SPIRE1: variants seen among roughly 807,000 people sequenced by gnomAD.
The protein encoded by SPIRE1 is protein spire homolog 1.
A neutral mutation model predicts 94.1 loss-of-function variants in SPIRE1; 40 were observed. That is an observed-to-expected ratio of 0.43 (90% CI 0.33 to 0.55). The LOEUF is 0.55. SPIRE1 is among the 20% of genes least tolerant of loss of function. SPIRE1 has a pLI of 0.06. For missense variants in SPIRE1, 838 were observed against 975.2 expected (o/e 0.86, Z 1.87); for synonymous variants, 376 against 371.7 (o/e 1.01, Z -0.13).
At chr18:12,549,436 G>GTTTTTTTTTTTTTTTTTTTTTTT (rs1345452411) in intron 2 of SPIRE1, among the ~76,000 whole-genome samples, 7 of 51,910 alleles carry the variant, frequency 1.3e-4, no homozygotes, top group Non-Finnish European at 2.2e-4. Context: ...TTTTGTTATT[G>GTTTTTTTTTTTTTTTTTTTTTTT]TTGTTTTTTT....
At chr18:12,501,072 CAAAAAAAAA>C (rs67894900) in intron 6 of SPIRE1, among the ~76,000 whole-genome samples, 38 of 80,262 alleles carry the variant, frequency 4.7e-4, no homozygotes, top group Admixed American at 4.6e-3. Flanking sequence ...AACTCTGTCT[CAAAAAAAAA>C]AAAAAAAAAA....
chr18:12,461,475 T>C (rs926233281), intron 12 of SPIRE1, among the ~76,000 whole-genome samples: 1 of 149,712 alleles, frequency 6.7e-6, no homozygotes, highest in African/African-American at 2.5e-5. Flanking sequence ...CATATGTACG[T>C]ACATACATAT....
chr18:12,497,096 C>T (rs886842352), intron 6 of SPIRE1, among the ~76,000 whole-genome samples: 6 of 151,582 alleles, frequency 4.0e-5, no homozygotes, highest in African/African-American at 1.5e-4. Context: ...AAACAAACAA[C>T]AACAAAAAAA....
At chr18:12,591,180 C>G (rs1429640502) in intron 2 of SPIRE1, among the ~76,000 whole-genome samples, 1 of 152,096 alleles carries the variant, frequency 6.6e-6, no homozygotes, top group Non-Finnish European at 1.5e-5. Flanking sequence ...GATGGTTACA[C>G]AGGAGTAGAA....
chr18:12,459,001 G>T (rs1400598745), intron 12 of SPIRE1, among the ~76,000 whole-genome samples: 1 of 152,154 alleles, frequency 6.6e-6, no homozygotes, highest in African/African-American at 2.4e-5. Context: ...AGAGAGCCAG[G>T]CCCTGCCTAC....
chr18:12,495,993 G>C, intron 7 of SPIRE1, 23 bp downstream of exon 7: 2 of 1,537,336 alleles, frequency 1.3e-6, no homozygotes, highest in Non-Finnish European at 1.8e-6. Context: ...CTCCAATCTA[G>C]AGAACTATGT....
chr18:12,557,003 T>C (rs1165336093), intron 2 of SPIRE1, among the ~76,000 whole-genome samples: 3 of 152,210 alleles, frequency 2.0e-5, no homozygotes, highest in Non-Finnish European at 4.4e-5. Flanking sequence ...GACAGGGTGC[T>C]GATTGGTGCG....
intron 3 of SPIRE1, among the ~76,000 whole-genome samples, chr18:12,538,404 T>A (rs1244049927): frequency 6.6e-6 from 1 of 152,168 alleles, no homozygotes; most frequent in Non-Finnish European, 1.5e-5. Flanking sequence ...TTATGTAACC[T>A]CTTATATAAA....
intron 2 of SPIRE1, among the ~76,000 whole-genome samples, chr18:12,609,382 A>G (rs1456017251): frequency 6.6e-6 from 1 of 152,208 alleles, no homozygotes; most frequent in Admixed American, 6.5e-5. Flanking sequence ...AACCTCTGAT[A>G]GCCTGAAACT....
At position 12,478,508 on chromosome 18, in the gene SPIRE1, AGT is replaced by A. The variant is rs371554746; in HGVS notation, c.1404+1189_1404+1190del. ...CTAGGGGAGGTGTGTATGAAGCTAGAGTGTGTGTGTGTGCATGTGTGTGTGTA... is the reference window on the plus strand; with the variant it reads ...CTAGGGGAGGTGTGTATGAAGCTAGAGTGTGTGTGTGCATGTGTGTGTGTA... On this transcript the variant is annotated intron_variant, in intron 10 of 16. Coordinates refer to ENST00000409402, the MANE Select transcript of SPIRE1 (RefSeq NM_001128626.2). 1.5e-3 allele frequency among the ~76,000 whole-genome samples: 181 copies of A among 120,028 alleles called. 1 individual carries two copies. The highest frequency in any genetic ancestry group is 5.6e-3 in the African/African-American group (169 of 30,132). The allele number at this position is 120,028 out of a possible 152,430, so 78.7% of individuals were successfully genotyped here. A position where few individuals can be genotyped will look rare whatever the true frequency, so the allele number is the denominator to read the frequency against.
intron 2 of SPIRE1, among the ~76,000 whole-genome samples, chr18:12,631,053 G>A (rs1167119398): frequency 6.6e-6 from 1 of 151,976 alleles, no homozygotes; most frequent in Non-Finnish European, 1.5e-5. Flanking sequence ...AGGATGCCTG[G>A]GCTTCCTGCT....
At chr18:12,660,895 A>C (rs542136429), upstream of SPIRE1, among the ~76,000 whole-genome samples, 27 of 152,370 alleles carry the variant, frequency 1.8e-4, no homozygotes, top group African/African-American at 6.3e-4. Flanking sequence ...AAAATAAAGG[A>C]AAATCTTTAA....
At chr18:12,480,243 C>G (rs759505312) in intron 9 of SPIRE1, among the ~76,000 whole-genome samples, 25 of 152,088 alleles carry the variant, frequency 1.6e-4, no homozygotes, top group Admixed American at 9.2e-4. Flanking sequence ...CAAAGCCTTA[C>G]CAGACACATG....
At chr18:12,498,476 G>C (rs2143914910) in intron 6 of SPIRE1, among the ~76,000 whole-genome samples, 1 of 152,194 alleles carries the variant, frequency 6.6e-6, no homozygotes, top group Admixed American at 6.5e-5. Context: ...TTGAACTCCT[G>C]ACCTCAGGTG....
At chr18:12,634,935 CAA>C (rs35302137) in intron 2 of SPIRE1, 125 bp downstream of exon 2, 27,353 of 424,628 alleles carry the variant, frequency 0.064, 1 homozygote, top group South Asian at 0.09. Context: ...AAGTCCATCT[CAA>C]AAAAAAAAAA....
At chr18:12,496,685 C>T (rs909048088) in intron 6 of SPIRE1, among the ~76,000 whole-genome samples, 69 of 151,918 alleles carry the variant, frequency 4.5e-4, no homozygotes, top group African/African-American at 1.4e-3. Flanking sequence ...TTGGCTAACA[C>T]GGTGAAACCC....
intron 1 of SPIRE1, among the ~76,000 whole-genome samples, chr18:12,636,759 ATATT>A (rs959259006): frequency 7.9e-5 from 12 of 152,306 alleles, no homozygotes; most frequent in Admixed American, 2.6e-4. Context: ...TTTTACTTAT[ATATT>A]TATTTATTGT....
At chr18:12,661,178 G>T (rs893362401), upstream of SPIRE1, among the ~76,000 whole-genome samples, 8 of 152,092 alleles carry the variant, frequency 5.3e-5, no homozygotes, top group African/African-American at 1.9e-4. Flanking sequence ...CATGGTGGCA[G>T]GCACCTGTAA....
At chr18:12,645,201 T>C (rs192370137) in intron 1 of SPIRE1, among the ~76,000 whole-genome samples, 5 of 152,224 alleles carry the variant, frequency 3.3e-5, no homozygotes, top group African/African-American at 4.8e-5. Flanking sequence ...CCAAAAGAAT[T>C]GAAACTGCAT....
Sources: gnomAD v4.1 joint callset for allele counts (sites outside exome capture counted in the v4.1 genomes callset) on GRCh38, gnomAD v4.1.1 for gene constraint, MANE v1.5 for transcripts, NCBI Gene and HGNC (gene_info 2026-07-23, HGNC 2026-07-21) for gene names.